The following MACF1 variants were observed in gnomAD, a reference collection of about 807,000 sequenced individuals.
The protein encoded by MACF1 is microtubule-actin cross-linking factor 1.
A neutral mutation model predicts 854.8 loss-of-function variants in MACF1; 193 were observed. The observed-to-expected ratio is 0.23, with a 90% confidence interval of 0.20 to 0.25. The LOEUF (loss-of-function observed/expected upper bound fraction) is 0.25. Among genes scored for constraint, MACF1 ranks in the 10% least tolerant of loss-of-function variants. The pLI, the probability that MACF1 is intolerant of heterozygous loss-of-function variation, is 1.00. For synonymous variants in MACF1, 3,185 were observed against 3,226.7 expected, an observed-to-expected ratio of 0.99 and a Z score of 0.44; for missense variants, 7,722 against 8,929.1, an observed-to-expected ratio of 0.86 and a Z score of 5.45.
chr1:39,295,918 A>G (rs376563551), intron 20 of MACF1, 36 bp downstream of exon 20: 7 of 1,562,304 alleles, frequency 4.5e-6, no homozygotes, highest in Admixed American at 1.7e-5. Context: ...GTGTGTGTAC[A>G]TATGTATGTT....
intron 5 of MACF1, among the ~76,000 whole-genome samples, chr1:39,256,205 A>G (rs1645094634): frequency 6.6e-6 from 1 of 152,186 alleles, no homozygotes; most frequent in Admixed American, 6.5e-5. Context: ...GTTAGCAGAG[A>G]TTGGAAGGTG....
At chr1:39,365,673 C>CT (rs1001643751) in intron 49 of MACF1, among the ~76,000 whole-genome samples, 10 of 151,416 alleles carry the variant, frequency 6.6e-5, no homozygotes, top group Middle Eastern at 3.4e-3. Flanking sequence ...TCTGGATTTT[C>CT]TTTTTTTTCT....
Position 39,335,638 on chromosome 1 carries a change from C to A in MACF1, c.9050C>A (p.Pro3017His). The A allele has an allele frequency of 1.2e-6, 2 of 1,614,102 alleles. No individual in the cohort carries two copies. Among genetic ancestry groups the A allele is most frequent in the Non-Finnish European group, 1.7e-6 (2 of 1,180,002 alleles). ...DEHDSHIKSQPREMTSSEKGK... is the reference protein window; with the variant it reads ...DEHDSHIKSQHREMTSSEKGK... Reference sequence around the variant, plus strand: ...CATGACTCCCATATAAAGAGCCAACCTAGGGAAATGACCTCAAGTGAAAAA... The same window carrying A: ...CATGACTCCCATATAAAGAGCCAACATAGGGAAATGACCTCAAGTGAAAAA... Residue 3017 changes from proline to histidine, a missense_variant, in exon 37 of 101, where the codon CCT becomes CAT. Pro to His is a moderately conservative substitution (Grantham distance 77, BLOSUM62 -2). Coordinates refer to ENST00000564288, the MANE Select transcript of MACF1 (RefSeq NM_001394062.1).
At chr1:39,309,514 C>T (rs1366366116) in intron 23 of MACF1, 56 bp from the exon 24 acceptor site, 17 of 1,604,898 alleles carry the variant, frequency 1.1e-5, no homozygotes, top group Non-Finnish European at 1.3e-5. Flanking sequence ...TAGAAGGTCT[C>T]TAATGTGGAG....
chr1:39,423,995 C>T, intron 60 of MACF1, 33 bp from the exon 61 acceptor site: 3 of 1,529,544 alleles, frequency 2.0e-6, no homozygotes, highest in Non-Finnish European at 8.9e-7. Context: ...CAAAATGATC[C>T]TGTGTTACAG....
intron 58 of MACF1, among the ~76,000 whole-genome samples, chr1:39,415,658 G>C (rs1643272563): frequency 1.3e-5 from 2 of 151,956 alleles, no homozygotes; most frequent in Non-Finnish European, 2.9e-5. Context: ...ACCGCGCCCA[G>C]CCGGCTCTAA....
chr1:39,263,682 T>C (rs2148349121), intron 6 of MACF1, among the ~76,000 whole-genome samples: 1 of 152,142 alleles, frequency 6.6e-6, no homozygotes, highest in African/African-American at 2.4e-5. Context: ...GATCTATTCA[T>C]AAACAATATG....
rs1253011571 is a variant in MACF1 at position 39,442,842 on chromosome 1, C to G, written c.19233C>G (p.Asn6411Lys). ...TAAGGAGCCGTTTGGAAGCCATGAA[C>G]CAATGCTGGGAGTCAGTGTTACAGA... The part of the protein sequence containing the change: ...SSLRSRLEAM[N>K]QCWESVLQKT... Residue 6411 changes from asparagine to lysine, a missense_variant, in exon 78 of 101, where the codon AAC becomes AAG. Coordinates refer to ENST00000564288, the MANE Select transcript of MACF1 (RefSeq NM_001394062.1). 4 of 1,613,962 alleles carry G rather than the reference C, an allele frequency of 2.5e-6. No homozygotes were observed. Among genetic ancestry groups the G allele is most frequent in the Admixed American group, 3.3e-5 (2 of 59,996 alleles).
intron 97 of MACF1, among the ~76,000 whole-genome samples, chr1:39,475,906 T>C (rs910242458): frequency 2.0e-5 from 3 of 152,136 alleles, no homozygotes; most frequent in African/African-American, 4.8e-5. Context: ...CCAGCAGACA[T>C]CCATGTTTTA....
At chr1:39,390,103 C>T (rs1174801691) in intron 58 of MACF1, among the ~76,000 whole-genome samples, 1 of 152,194 alleles carries the variant, frequency 6.6e-6, no homozygotes, top group Non-Finnish European at 1.5e-5. Flanking sequence ...CCTGTTGCCC[C>T]TAGAGTTTTC....
intron 6 of MACF1, among the ~76,000 whole-genome samples, chr1:39,266,594 CTT>C (rs11406070): frequency 1.2e-4 from 7 of 58,118 alleles, no homozygotes; most frequent in Non-Finnish European, 2.1e-4. Flanking sequence ...TGGTCTTTTC[CTT>C]TTTTTTTTTT....
At chr1:39,459,030 A>T in intron 90 of MACF1, 56 bp from the exon 91 acceptor site, 1 of 1,438,642 alleles carries the variant, frequency 7.0e-7, no homozygotes, top group South Asian at 1.3e-5. Flanking sequence ...ACATACAGCT[A>T]TTTCTCTTTG....
At chr1:39,362,579 G>C (rs184062252) in intron 49 of MACF1, among the ~76,000 whole-genome samples, 24 of 152,172 alleles carry the variant, frequency 1.6e-4, no homozygotes, top group Admixed American at 4.6e-4. Flanking sequence ...AAATGTGGTC[G>C]GTGGGAGCCT....
intron 5 of MACF1, 72 bp from the exon 6 acceptor site, chr1:39,257,864 T>G: frequency 9.1e-7 from 1 of 1,095,576 alleles, no homozygotes; most frequent in Non-Finnish European, 1.4e-6. Context: ...AAATCAATAA[T>G]GAAGTGATGC....
intron 4 of MACF1, among the ~76,000 whole-genome samples, chr1:39,253,800 G>A (rs940133045): frequency 1.2e-4 from 19 of 152,200 alleles, no homozygotes; most frequent in Non-Finnish European, 2.4e-4. Context: ...ATAGGCGTGA[G>A]CCACTGCACT....
At chr1:39,432,092 G>A (rs555646739) in intron 66 of MACF1, among the ~76,000 whole-genome samples, 3 of 152,192 alleles carry the variant, frequency 2.0e-5, no homozygotes, top group African/African-American at 7.2e-5. Context: ...GTTCTTTTGG[G>A]GTCTTATGCT....
chr1:39,309,860 A>G (rs1046024792), intron 24 of MACF1, among the ~76,000 whole-genome samples, 164 bp downstream of exon 24: 4 of 152,254 alleles, frequency 2.6e-5, no homozygotes, highest in African/African-American at 9.6e-5. Flanking sequence ...AGCTAGAAGC[A>G]GCAATTTGAA....
At chr1:39,341,140 T>G (rs1646927501) in intron 40 of MACF1, among the ~76,000 whole-genome samples, 187 bp downstream of exon 40, 1 of 151,644 alleles carries the variant, frequency 6.6e-6, no homozygotes, top group African/African-American at 2.4e-5. Context: ...TTCAAGCGAT[T>G]CTCCTGCCTC....
At chr1:39,269,776 A>G in intron 6 of MACF1, 1 of 1,229,456 alleles carries the variant, frequency 8.1e-7, no homozygotes, top group Non-Finnish European at 1.1e-6. Context: ...TTGGCCCTCA[A>G]ACATATTAAA....
Sources: allele counts gnomAD v4.1 joint callset (sites outside exome capture counted in the v4.1 genomes callset), GRCh38; gene constraint gnomAD v4.1.1; transcripts MANE v1.5; gene names NCBI Gene and HGNC (gene_info 2026-07-23, HGNC 2026-07-21).